GLIS3: variants seen among roughly 807,000 people sequenced by gnomAD.
GLIS3 encodes GLIS family zinc finger 3, also known as zinc finger protein GLIS3.
A neutral mutation model predicts 78.6 loss-of-function variants in GLIS3; 53 were observed. That is an observed-to-expected ratio of 0.67 (90% CI 0.54 to 0.85). The LOEUF is 0.85. GLIS3 is among the 40% of genes least tolerant of loss of function. The pLI, the probability that GLIS3 is intolerant of heterozygous loss-of-function variation, is 0.00. For missense variants in GLIS3, 1,703 were observed against 1,231.1 expected (o/e 1.38, Z -5.74); for synonymous variants, 684 against 509.9 (o/e 1.34, Z -4.60).
At chr9:3,837,792 G>A (rs903688143) in intron 9 of GLIS3, among the ~76,000 whole-genome samples, 3 of 152,182 alleles carry the variant, frequency 2.0e-5, no homozygotes, top group Non-Finnish European at 4.4e-5. Flanking sequence ...CGAGCACAGA[G>A]GTAGCGAAGC....
intron 2 of GLIS3, among the ~76,000 whole-genome samples, chr9:4,273,374 C>T (rs1196508063): frequency 3.3e-5 from 5 of 152,000 alleles, no homozygotes; most frequent in African/African-American, 1.2e-4. Context: ...GCAGGAGGGT[C>T]ACTTAAGCCC....
intron 7 of GLIS3, among the ~76,000 whole-genome samples, chr9:3,891,221 T>C (rs879166157): frequency 6.6e-6 from 1 of 152,198 alleles, no homozygotes; most frequent in Non-Finnish European, 1.5e-5. Context: ...GTTACAACTA[T>C]TAGGTGCTGA....
intron 6 of GLIS3, among the ~76,000 whole-genome samples, chr9:3,902,954 G>A (rs1363028415): frequency 6.6e-6 from 1 of 152,164 alleles, no homozygotes; most frequent in African/African-American, 2.4e-5. Context: ...CAGGAGGAGA[G>A]GATACCTACA....
intron 8 of GLIS3, among the ~76,000 whole-genome samples, chr9:3,865,106 G>C (rs1475404366): frequency 1.3e-5 from 2 of 152,168 alleles, no homozygotes; most frequent in Non-Finnish European, 2.9e-5. Flanking sequence ...TGTTCTCTGA[G>C]GGGAAGGATG....
At chr9:3,951,276 G>T (rs773719546) in intron 4 of GLIS3, among the ~76,000 whole-genome samples, 1 of 152,038 alleles carries the variant, frequency 6.6e-6, no homozygotes, top group East Asian at 1.9e-4. Flanking sequence ...ATACTGAAAA[G>T]ACGTGGTAGT....
intron 4 of GLIS3, among the ~76,000 whole-genome samples, chr9:4,029,047 T>C (rs1258561140): frequency 1.3e-5 from 2 of 152,164 alleles, no homozygotes; most frequent in Non-Finnish European, 2.9e-5. Flanking sequence ...GTGTATTTTG[T>C]AGAAAGAAGA....
intron 7 of GLIS3, among the ~76,000 whole-genome samples, chr9:3,897,492 TTGATATATTTGATGTCTGTATATGA>T (rs1403393418): frequency 6.6e-6 from 1 of 152,154 alleles, no homozygotes; most frequent in Non-Finnish European, 1.5e-5. Context: ...ACACTGCACA[TTGATATATTTGATGTCTGTATATGA>T]ACCTGTACCT....
chr9:4,330,869 T>C (rs1249158537), intron 2 of GLIS3, among the ~76,000 whole-genome samples: 4 of 152,184 alleles, frequency 2.6e-5, no homozygotes, highest in Non-Finnish European at 5.9e-5. Flanking sequence ...TGGGTTAAGC[T>C]GATTCCTGCA....
the GLIS3 span, among the ~76,000 whole-genome samples, chr9:4,364,516 G>A: frequency 4.6e-5 from 7 of 152,040 alleles, no homozygotes; most frequent in Non-Finnish European, 8.8e-5. Context: ...CTCACAATAT[G>A]TAAGTAGTGA....
chr9:4,228,422 A>T (rs1821970718), intron 2 of GLIS3, among the ~76,000 whole-genome samples: 1 of 152,200 alleles, frequency 6.6e-6, no homozygotes, highest in East Asian at 1.9e-4. Context: ...ACATTCTCAT[A>T]TGTGTAGCCA....
At chr9:4,303,063 G>T (rs1462502945), upstream of GLIS3, among the ~76,000 whole-genome samples, 1 of 152,130 alleles carries the variant, frequency 6.6e-6, no homozygotes, top group African/African-American at 2.4e-5. Flanking sequence ...CTCTCCCGAA[G>T]GAACATCCTG....
chr9:4,029,368 G>T (rs1247972386), intron 4 of GLIS3, among the ~76,000 whole-genome samples: 1 of 151,772 alleles, frequency 6.6e-6, no homozygotes, highest in Admixed American at 6.6e-5. Context: ...GGGTACATGA[G>T]ATGCGTTGAT....
chr9:4,357,561 C>CTGTGTG, the GLIS3 span, among the ~76,000 whole-genome samples: 5,455 of 147,728 alleles, frequency 0.037, 321 homozygotes, highest in African/African-American at 0.12. Context: ...GAACTAATTC[C>CTGTGTG]TGTGTGTGTG....
intron 4 of GLIS3, among the ~76,000 whole-genome samples, chr9:3,998,116 T>C (rs1563932953): frequency 6.6e-6 from 1 of 152,178 alleles, no homozygotes; most frequent in Non-Finnish European, 1.5e-5. Flanking sequence ...CTCTATGACA[T>C]GATTCCCATT....
chr9:4,329,910 G>A (rs1587389185), intron 2 of GLIS3, among the ~76,000 whole-genome samples: 1 of 152,128 alleles, frequency 6.6e-6, no homozygotes, highest in Admixed American at 6.6e-5. Context: ...GGACACAGAT[G>A]AATAAATGAA....
At chr9:3,985,774 T>C (rs1186773154) in intron 4 of GLIS3, among the ~76,000 whole-genome samples, 1 of 152,244 alleles carries the variant, frequency 6.6e-6, no homozygotes, top group Non-Finnish European at 1.5e-5. Context: ...CAACATTCAA[T>C]GGAAGCAGAG....
At chr9:4,481,717 G>T in the GLIS3 span, among the ~76,000 whole-genome samples, 9 of 152,162 alleles carry the variant, frequency 5.9e-5, no homozygotes, top group African/African-American at 2.2e-4. Context: ...CTGAGCTGGG[G>T]TGAAGAGCCC....
At chr9:4,262,364 G>T (rs1256437682) in intron 2 of GLIS3, among the ~76,000 whole-genome samples, 2 of 152,092 alleles carry the variant, frequency 1.3e-5, no homozygotes, top group African/African-American at 2.4e-5. Context: ...GTGCTGAGTG[G>T]CATGGATTTG....
chr9:4,459,472 C>T, the GLIS3 span, among the ~76,000 whole-genome samples: 4 of 152,146 alleles, frequency 2.6e-5, no homozygotes. Context: ...ATGCAGAAAG[C>T]AGAAGAGGCA....
Sources: allele counts gnomAD v4.1 joint callset (sites outside exome capture counted in the v4.1 genomes callset), GRCh38; gene constraint gnomAD v4.1.1; transcripts MANE v1.5; gene names NCBI Gene and HGNC (gene_info 2026-07-23, HGNC 2026-07-21).